The following DPP6 variants were observed in gnomAD, a reference collection of about 807,000 sequenced individuals.
DPP6 encodes dipeptidyl peptidase like 6.
A neutral mutation model predicts 122.6 loss-of-function variants in DPP6; 69 were observed. The observed-to-expected ratio is 0.56, with a 90% CI of 0.46 to 0.69. The LOEUF (loss-of-function observed/expected upper bound fraction) is 0.69. DPP6 is among the 30% of genes least tolerant of loss of function. DPP6 has a pLI of 0.00. For synonymous variants in DPP6, 418 were observed against 433.1 expected (o/e 0.97, Z 0.43); for missense variants, 928 against 1,116.9 (o/e 0.83, Z 2.41).
chr7:153,950,300 A>G lies in DPP6; in HGVS notation c.51+62566A>G, dbSNP rs113832441. Reference sequence around the variant, plus strand: ...TCCAGGCAGAGATGGCGGCATGTAGAAAAATAACAAGGCCCAAGAGAGCCG... The same window carrying G: ...TCCAGGCAGAGATGGCGGCATGTAGGAAAATAACAAGGCCCAAGAGAGCCG... On this transcript the variant is annotated intron_variant, in intron 1 of 25. Transcript: ENST00000404039. 2.7e-3 allele frequency among the ~76,000 whole-genome samples: 414 copies of G among 152,290 alleles called. 5 individuals are homozygous for G. The highest frequency in any genetic ancestry group is 9.5e-3 in the African/African-American group (396 of 41,572).
chr7:154,795,798 A>G lies in DPP6; in HGVS notation c.1261-47A>G. On this transcript the variant is annotated intron_variant, in intron 11 of 25. Transcript: ENST00000377770. ...CACAATACATGCAAAAAAAAAAAAG[A>G]AAAGAAAAGAAAAACCCTCTTGTCT... is the stretch of plus-strand genomic sequence containing the variant. 13 of 707,978 alleles carry G rather than the reference A, an allele frequency of 1.8e-5. No homozygotes were observed. In the African/African-American group the frequency reaches 2.1e-4, roughly 11 times the overall value. The allele number at this position is 707,978 out of a possible 1,614,324, so 43.9% of individuals were successfully genotyped here.
At chr7:154,023,382 AAAT>A (rs1382829855) in intron 1 of DPP6, among the ~76,000 whole-genome samples, 1 of 148,114 alleles carries the variant, frequency 6.8e-6, no homozygotes, top group East Asian at 2.0e-4. Context: ...TGCATTCCCC[AAAT>A]AATAATAAGG....
intron 1 of DPP6, among the ~76,000 whole-genome samples, chr7:154,084,904 G>A (rs564644227): frequency 3.3e-4 from 49 of 148,474 alleles, no homozygotes; most frequent in African/African-American, 1.2e-3. Flanking sequence ...GCAGGAGAAT[G>A]GTGTGAACCC....
intron 4 of DPP6, among the ~76,000 whole-genome samples, chr7:154,548,525 C>CAA (rs200806772): frequency 6.7e-4 from 51 of 76,156 alleles, no homozygotes; most frequent in African/African-American, 1.8e-3. Flanking sequence ...GACTCCATCT[C>CAA]AAAAAAAAAA....
chr7:154,345,669 G>A (rs999542871), intron 1 of DPP6, among the ~76,000 whole-genome samples: 1 of 152,072 alleles, frequency 6.6e-6, no homozygotes, highest in Non-Finnish European at 1.5e-5. Flanking sequence ...CCCCACATTG[G>A]CTGAGAGCCC....
intron 7 of DPP6, among the ~76,000 whole-genome samples, chr7:154,697,834 C>G (rs1323076250): frequency 6.6e-6 from 1 of 152,166 alleles, no homozygotes; most frequent in Non-Finnish European, 1.5e-5. Flanking sequence ...TCTGTACACT[C>G]AGTGTACAGT....
intron 1 of DPP6, among the ~76,000 whole-genome samples, chr7:154,258,612 A>C (rs150620768): frequency 6.6e-6 from 1 of 152,356 alleles, no homozygotes; most frequent in Admixed American, 6.5e-5. Flanking sequence ...GATCATACCC[A>C]AGTGCGTTTT....
rs1303727662 is a variant in DPP6, at chr7:154,481,209, C to A, written c.457+6172C>A. Among the ~76,000 whole-genome samples, 1 of 152,162 alleles carries A rather than the reference C, an allele frequency of 6.6e-6. No individual in the cohort carries two copies. Among genetic ancestry groups the A allele is most frequent in the Non-Finnish European group, 1.5e-5 (1 of 68,040 alleles). On this transcript the variant is annotated intron_variant, in intron 3 of 25. Coordinates refer to ENST00000377770, the MANE Select transcript of DPP6 (RefSeq NM_130797.4). This position sits in a 1 kb window ranked among gnomAD's most constrained non-coding sequence, Gnocchi z 4.2. Reference sequence around the variant, plus strand: ...AAAAGTCTGAATTCCTCAAGTTTCTCACTTATCCTCACTTTGTACTCCCTG... The same window carrying A: ...AAAAGTCTGAATTCCTCAAGTTTCTAACTTATCCTCACTTTGTACTCCCTG...
intron 12 of DPP6, among the ~76,000 whole-genome samples, chr7:154,798,328 C>G (rs1798164656): frequency 6.6e-6 from 1 of 152,202 alleles, no homozygotes; most frequent in Non-Finnish European, 1.5e-5. Context: ...GATTGTGTGT[C>G]TCATCGCCCA....
chr7:154,341,905 C>T (rs1038152151), intron 1 of DPP6, among the ~76,000 whole-genome samples: 11 of 151,880 alleles, frequency 7.2e-5, no homozygotes, highest in South Asian at 2.1e-4. Flanking sequence ...CAGGGTGTGG[C>T]GCTTACAAGA....
At chr7:153,901,962 G>A (rs1799655641) in intron 1 of DPP6, among the ~76,000 whole-genome samples, 1 of 152,220 alleles carries the variant, frequency 6.6e-6, no homozygotes, top group Non-Finnish European at 1.5e-5. Context: ...TGTGCTTTGT[G>A]CACCTACTGG....
rs71803736 is a variant in DPP6 at position 154,755,148 on chromosome 7, T to TA, written c.884-14253dup. ...TCCCAGAACTTAAAGTAAAATAAAT[T>TA]AAAAAAAAAAAAAAAAGAAACTGAA... On this transcript the variant is annotated intron_variant, in intron 8 of 25. Coordinates refer to ENST00000377770, the MANE Select transcript of DPP6 (RefSeq NM_130797.4). This position sits in a 1 kb window ranked among gnomAD's most constrained non-coding sequence, Gnocchi z 4.7. Among the ~76,000 whole-genome samples the TA allele has an allele frequency of 0.035, 4,543 of 131,532 alleles. 229 individuals are homozygous for TA. The highest frequency in any genetic ancestry group is 0.11 in the African/African-American group (4,053 of 36,594). The allele number at this position is 131,532 out of a possible 152,430, so 86.3% of individuals were successfully genotyped here.
At chr7:154,001,884 G>A (rs1255006880) in intron 1 of DPP6, among the ~76,000 whole-genome samples, 1 of 152,004 alleles carries the variant, frequency 6.6e-6, no homozygotes, top group Non-Finnish European at 1.5e-5. Context: ...CCTCATTCCT[G>A]GTGGCATCTT....
chr7:154,575,070 TTGTG>T (rs1172648427), intron 5 of DPP6, among the ~76,000 whole-genome samples: 3 of 100,670 alleles, frequency 3.0e-5, no homozygotes, highest in South Asian at 5.5e-4. Context: ...GTTTGGTGTG[TTGTG>T]TGTATGTGTG....
chr7:154,094,380 T>C (rs1252233723), intron 1 of DPP6: 5 of 152,418 alleles, frequency 3.3e-5, no homozygotes, highest in South Asian at 2.1e-4. Flanking sequence ...GAGTTTTCCA[T>C]GTCTGTGTGA....
At chr7:154,467,361 G>C (rs1022467583) in intron 2 of DPP6, among the ~76,000 whole-genome samples, 2 of 152,176 alleles carry the variant, frequency 1.3e-5, no homozygotes, top group Non-Finnish European at 2.9e-5. Context: ...GGAGGTGATT[G>C]GATCATGGGG....
intron 1 of DPP6, among the ~76,000 whole-genome samples, chr7:153,966,723 TGA>T (rs1300541762): frequency 1.3e-5 from 2 of 152,018 alleles, no homozygotes; most frequent in Non-Finnish European, 2.9e-5. Flanking sequence ...CAAAATACTA[TGA>T]GTAGAAGTAT....
At chr7:154,061,361 G>A (rs1274553946) in intron 1 of DPP6, among the ~76,000 whole-genome samples, 7 of 147,414 alleles carry the variant, frequency 4.7e-5, no homozygotes, top group African/African-American at 9.9e-5. Context: ...ATGCGTCAGA[G>A]AGAGAAAAGA....
chr7:154,170,595 G>A (rs117917698), intron 1 of DPP6, among the ~76,000 whole-genome samples: 6,989 of 152,186 alleles, frequency 0.046, 230 homozygotes, highest in Middle Eastern at 0.11. Context: ...ATTATCCTCC[G>A]AATCTGCCTG....
Sources: allele counts gnomAD v4.1 joint callset (sites outside exome capture counted in the v4.1 genomes callset), GRCh38; gene constraint gnomAD v4.1.1; non-coding constraint Gnocchi (gnomAD v3.1); transcripts MANE v1.5; gene names NCBI Gene and HGNC (gene_info 2026-07-23, HGNC 2026-07-21).